RCOR1: variants seen among roughly 807,000 people sequenced by gnomAD.
RCOR1 encodes the protein REST corepressor.
RCOR1 carries 12 observed loss-of-function variants against 64.0 expected under a neutral mutation model. That is an observed-to-expected ratio of 0.19 (90% CI 0.12 to 0.30). RCOR1 has a LOEUF of 0.30. Among genes scored for constraint, RCOR1 ranks in the 10% least tolerant of loss-of-function variants. The pLI, the probability that RCOR1 is intolerant of heterozygous loss-of-function variation, is 1.00. For missense variants in RCOR1, 502 were observed against 621.2 expected (o/e 0.81, Z 2.04); for synonymous variants, 279 against 227.2 (o/e 1.23, Z -2.05).
chr14:102,647,557 G>T (rs1384470211), intron 2 of RCOR1, among the ~76,000 whole-genome samples: 1 of 152,154 alleles, frequency 6.6e-6, no homozygotes, highest in Non-Finnish European at 1.5e-5. Flanking sequence ...CTGACCTCAT[G>T]ATCTGGCCAC....
chr14:102,686,379 T>C (rs968291334), intron 3 of RCOR1, among the ~76,000 whole-genome samples: 9 of 152,188 alleles, frequency 5.9e-5, no homozygotes, highest in South Asian at 2.1e-4. Context: ...TCCCCCAGTG[T>C]GAACATCCTG....
At position 102,729,592 on chromosome 14, in the gene RCOR1, G is replaced by A. The variant is rs945027422; in HGVS notation, c.*3086G>A. 5.7e-6 allele frequency: 2 copies of A among 351,874 alleles called. No homozygotes were observed. Among genetic ancestry groups the A allele is most frequent in the Non-Finnish European group, 1.0e-5 (2 of 197,002 alleles). 21.8% of individuals were successfully genotyped at this position (351,874 alleles called of 1,614,324 possible). ...CAAAACAAACATGAAAAGGTAGTTAGTTGGGTTGTAACAGCTTACTGGGGT... is the reference window on the plus strand; with the variant it reads ...CAAAACAAACATGAAAAGGTAGTTAATTGGGTTGTAACAGCTTACTGGGGT... On this transcript the variant is annotated 3_prime_UTR_variant, in exon 12 of 12. Transcript: ENST00000262241.
intron 2 of RCOR1, chr14:102,649,895 C>T (rs1405512989): frequency 3.4e-6 from 2 of 585,078 alleles, no homozygotes; most frequent in Non-Finnish European, 4.3e-6. Flanking sequence ...AAGGTGAGAG[C>T]TTAAAGAATC....
At position 102,652,724 on chromosome 14, in the gene RCOR1, T is replaced by C. The variant is rs1003812884; in HGVS notation, c.362-29171T>C. ...CAGCTGACTTTTTCCCATAGATACG[T>C]AACAACCACCTGCTTTAACATTTTC... is the stretch of plus-strand genomic sequence containing the variant. On this transcript the variant is annotated intron_variant, in intron 2 of 11. Coordinates refer to ENST00000262241, the MANE Select transcript of RCOR1 (RefSeq NM_015156.4). Among the ~76,000 whole-genome samples the C allele has an allele frequency of 2.6e-5, 4 of 152,114 alleles. No homozygotes were observed. The East Asian group carries it at 7.7e-4, about 29-fold the overall frequency.
At chr14:102,614,489 G>A (rs1893709513) in intron 2 of RCOR1, among the ~76,000 whole-genome samples, 1 of 152,074 alleles carries the variant, frequency 6.6e-6, no homozygotes, top group Non-Finnish European at 1.5e-5. Flanking sequence ...CTCCCAAAGT[G>A]CTGGGATTAC....
At chr14:102,721,121 C>A (rs761927973) in intron 9 of RCOR1, 37 bp downstream of exon 9, 1 of 1,287,782 alleles carries the variant, frequency 7.8e-7, no homozygotes. Context: ...AAGTCATATT[C>A]AAGTTTTACA....
chr14:102,616,204 ATATGTGTGTGTGTG>A (rs1166328195), intron 2 of RCOR1, among the ~76,000 whole-genome samples: 12 of 128,808 alleles, frequency 9.3e-5, no homozygotes, highest in African/African-American at 1.8e-4. Flanking sequence ...ATACATGTGT[ATATGTGTGTGTGTG>A]TGTGTGTGTG....
At position 102,609,540 on chromosome 14, in the gene RCOR1, A is replaced by G. The variant is rs566024470; in HGVS notation, c.361+16215A>G. The stretch of plus-strand genomic sequence containing the variant: ...CTGCAGTTTCCGCCTTCCAGGTTCA[A>G]GTGATTCTCCTGCCTCAGCTTCCTG... On this transcript the variant is annotated intron_variant, in intron 2 of 11. Coordinates refer to ENST00000262241, the MANE Select transcript of RCOR1 (RefSeq NM_015156.4). Among the ~76,000 whole-genome samples the G allele has an allele frequency of 1.3e-4, 20 of 152,088 alleles. No individual in the cohort carries two copies. In the South Asian group the frequency reaches 3.7e-3, roughly 28 times the overall value.
At chr14:102,715,310 A>T (rs1896048257) in intron 8 of RCOR1, among the ~76,000 whole-genome samples, 2 of 148,494 alleles carry the variant, frequency 1.3e-5, no homozygotes, top group Admixed American at 1.3e-4. Context: ...TGATCTCATG[A>T]TCCACCCGCC....
chr14:102,691,300 T>TG (rs1312672585), intron 3 of RCOR1, among the ~76,000 whole-genome samples: 1 of 148,450 alleles, frequency 6.7e-6, no homozygotes, highest in Non-Finnish European at 1.5e-5. Context: ...AATAAGACAC[T>TG]GGGGACTACC....
intron 2 of RCOR1, among the ~76,000 whole-genome samples, chr14:102,666,926 C>G (rs897120893): frequency 1.3e-5 from 2 of 152,204 alleles, no homozygotes; most frequent in African/African-American, 4.8e-5. Flanking sequence ...CCGCCCCTTT[C>G]CATACAACCC....
Position 102,726,453 on chromosome 14 carries a change from T to G in RCOR1, c.1420-15T>G. 1.9e-6 allele frequency: 3 copies of G among 1,572,170 alleles called. No individual in the cohort carries two copies. The highest frequency in any genetic ancestry group is 8.6e-7 in the Non-Finnish European group (1 of 1,168,272). ...TCTTTGATCCTTTTTTTTTTTTTTT[T>G]CCTCTTGGCCTCAGGCTCCTGTTCT... On this transcript the variant is annotated splice_polypyrimidine_tract_variant and intron_variant, in intron 11 of 11. Transcript: ENST00000262241.
Position 102,730,020 on chromosome 14 carries a change from CTCT to C in RCOR1, c.*3516_*3518del. ...GCCAGTCCCTGAATCTCTGCAGCTTCTCTTACCTGTCTTACCTGTAGTAAAGCA... is the reference window on the plus strand; with the variant it reads ...GCCAGTCCCTGAATCTCTGCAGCTTCTACCTGTCTTACCTGTAGTAAAGCA... On this transcript the variant is annotated 3_prime_UTR_variant, in exon 12 of 12. Transcript: ENST00000262241. 1 of 399,086 alleles carries C rather than the reference CTCT, an allele frequency of 2.5e-6. No individual in the cohort carries two copies. The highest frequency in any genetic ancestry group is 4.4e-6 in the Non-Finnish European group (1 of 226,074). 24.7% of individuals were successfully genotyped at this position (399,086 alleles called of 1,614,324 possible). A position where few individuals can be genotyped will look rare whatever the true frequency, so the allele number is the denominator to read the frequency against.
At chr14:102,692,034 A>G (rs776155228) in intron 3 of RCOR1, among the ~76,000 whole-genome samples, 1 of 152,228 alleles carries the variant, frequency 6.6e-6, no homozygotes, top group Non-Finnish European at 1.5e-5. Flanking sequence ...ATCCTCTCCA[A>G]TAATTGCTGT....
chr14:102,658,205 C>G (rs915252873), intron 2 of RCOR1, among the ~76,000 whole-genome samples: 1 of 152,148 alleles, frequency 6.6e-6, no homozygotes, highest in African/African-American at 2.4e-5. Flanking sequence ...GACCTCTGAA[C>G]CTCAGATGAT....
chr14:102,593,030 C>CCA lies in RCOR1; in HGVS notation c.144_145insCA (p.Ala49GlnfsTer58). ...CGCCAGCCGCCACTGCCGCCTCGGG[C>CCA]GCCGCCGCCTCCTCAGCCTCGGCCG... On this transcript the variant is annotated frameshift_variant, in exon 1 of 12. Coordinates refer to ENST00000262241, the MANE Select transcript of RCOR1 (RefSeq NM_015156.4). LOFTEE classifies it high-confidence loss of function. 1 of 1,265,918 alleles carries CCA rather than the reference C, an allele frequency of 7.9e-7. No individual in the cohort carries two copies. The highest frequency in any genetic ancestry group is 1.0e-6 in the Non-Finnish European group (1 of 998,276). 78.4% of individuals were successfully genotyped at this position (1,265,918 alleles called of 1,614,324 possible).
At chr14:102,653,284 T>TACAACA (rs1894630274) in intron 2 of RCOR1, among the ~76,000 whole-genome samples, 1 of 152,126 alleles carries the variant, frequency 6.6e-6, no homozygotes, top group Non-Finnish European at 1.5e-5. Context: ...AGTGGTGCAA[T>TACAACA]CTTGCCTCAC....
chr14:102,670,869 G>T (rs137855967), intron 2 of RCOR1, among the ~76,000 whole-genome samples: 3 of 151,880 alleles, frequency 2.0e-5, no homozygotes, highest in African/African-American at 7.3e-5. Context: ...TGCCTCCCGG[G>T]TTCAAGCAAT....
chr14:102,661,486 A>G (rs1422139426), intron 2 of RCOR1, among the ~76,000 whole-genome samples: 1 of 152,218 alleles, frequency 6.6e-6, no homozygotes. Flanking sequence ...TCTATTCTCA[A>G]TGTTTCAAAA....
Sources: gnomAD v4.1 joint callset for allele counts (sites outside exome capture counted in the v4.1 genomes callset) on GRCh38, gnomAD v4.1.1 for gene constraint, MANE v1.5 for transcripts, NCBI Gene and HGNC (gene_info 2026-07-23, HGNC 2026-07-21) for gene names.